Variants in SHANK1 observed in about 807,000 individuals in gnomAD.
SHANK1 encodes the protein SH3 and multiple ankyrin repeat domains 1, also known as SH3 and multiple ankyrin repeat domains protein 1.
In SHANK1, 35 loss-of-function variants were observed where a neutral mutation model predicts 165.6. That is an observed-to-expected ratio of 0.21 (90% CI 0.16 to 0.28). SHANK1 has a LOEUF of 0.28. Ranked by LOEUF, SHANK1 falls within the 10% of genes least tolerant of loss-of-function variation. SHANK1 has a pLI of 1.00. For missense variants in SHANK1, 2,681 were observed against 3,036.4 expected, an observed-to-expected ratio of 0.88 and a Z score of 2.75; for synonymous variants, 1,428 against 1,384.8, an observed-to-expected ratio of 1.03 and a Z score of -0.69.
At chr19:50,709,376 A>C (rs567392182) in intron 8 of SHANK1, among the ~76,000 whole-genome samples, 40 of 152,050 alleles carry the variant, frequency 2.6e-4, no homozygotes, top group African/African-American at 6.7e-4. Flanking sequence ...CTCCTGACCT[A>C]GTGATCCGCC....
At position 50,684,369 on chromosome 19, in the gene SHANK1, G is replaced by A. The variant is rs182154640; in HGVS notation, c.2577+1868C>T. On this transcript the variant is annotated intron_variant, in intron 21 of 23. Coordinates refer to ENST00000293441, the MANE Select transcript of SHANK1 (RefSeq NM_016148.5). ...GCCTCCTGAGTAGCTGGGATTACAG[G>A]CACATGCCACCACATCCGGCCAATT... is the stretch of plus-strand genomic sequence containing the variant. Among the ~76,000 whole-genome samples, 1,470 of 152,262 alleles carry A rather than the reference G, an allele frequency of 9.7e-3. 28 individuals are homozygous for A. The highest frequency in any genetic ancestry group is 0.034 in the African/African-American group (1,400 of 41,534).
rs762763237 is a variant in SHANK1, at chr19:50,662,215, G to A, written c.6236C>T (p.Thr2079Ile). ...LSGASRSLSP[T>I]RLLSLPPDKP... The stretch of plus-strand genomic sequence containing the variant: ...GTCCGGGGGCAGCGAGAGCAGGCGG[G>A]TCGGTGAGAGGGAGCGCGAGGCCCC... Residue 2079 changes from threonine to isoleucine, a missense_variant, in exon 24 of 24, where the codon ACC (threonine) becomes ATC (isoleucine). By Grantham distance (89) the Thr-to-Ile change is moderately conservative. This residue lies in a region of SHANK1 where 1,713 missense variants were observed against 1,630.2 expected (regional missense o/e 1.05). Coordinates refer to ENST00000293441, the MANE Select transcript of SHANK1 (RefSeq NM_016148.5). The surrounding 1 kb of genome is among the most constrained non-coding windows in gnomAD (Gnocchi z 7.7). 1.9e-6 allele frequency: 3 copies of A among 1,609,982 alleles called. No individual in the cohort carries two copies. The highest frequency in any genetic ancestry group is 2.2e-5 in the South Asian group (2 of 90,774).
chr19:50,695,268 G>T (rs2035615465), intron 15 of SHANK1, among the ~76,000 whole-genome samples: 1 of 146,100 alleles, frequency 6.8e-6, no homozygotes, highest in South Asian at 2.1e-4. Context: ...CGGGGGCGCG[G>T]GGCGCGGGGT....
Position 50,702,436 on chromosome 19 carries a change from C to T in SHANK1, c.1747+31G>A. ...TCCCTGATCGCCCCCACAGCCCAGC[C>T]CAGCCCAGGCCCTGCTTCCACCCTG... On this transcript the variant is annotated intron_variant, in intron 12 of 23. Coordinates refer to ENST00000293441, the MANE Select transcript of SHANK1 (RefSeq NM_016148.5). This position sits in a 1 kb window ranked among gnomAD's most constrained non-coding sequence, Gnocchi z 5.3. 1 of 1,583,320 alleles carries T rather than the reference C, an allele frequency of 6.3e-7. No individual in the cohort carries two copies. The highest frequency in any genetic ancestry group is 8.6e-7 in the Non-Finnish European group (1 of 1,163,156).
rs755802745 is a variant in SHANK1 at position 50,714,221 on chromosome 19, T to C, written c.601A>G (p.Lys201Glu). Residue 201 changes from lysine (K) to glutamate (E), a missense_variant, in exon 5 of 24, where the codon AAG becomes GAG. Around this residue, in one of 10 missense-constraint regions of SHANK1, gnomAD observed 189 missense variants for 440.9 expected, o/e 0.43. Coordinates refer to ENST00000293441, the MANE Select transcript of SHANK1 (RefSeq NM_016148.5). ...TCATGGTAATTGGGGTCCAGCCCCT[T>C]GTCCAGCAGCCGCGCCACCTTGTCA... is the stretch of plus-strand genomic sequence containing the variant. ...TSDKVARLLD[K>E]GLDPNYHDSD... 6 of 1,614,124 alleles carry C rather than the reference T, an allele frequency of 3.7e-6. No individual in the cohort carries two copies. The highest frequency in any genetic ancestry group is 5.1e-6 in the Non-Finnish European group (6 of 1,180,012).
chr19:50,689,018 C>T, intron 16 of SHANK1, 50 bp from the exon 17 acceptor site: 1 of 1,380,278 alleles, frequency 7.2e-7, no homozygotes, highest in Non-Finnish European at 1.0e-6. Flanking sequence ...GGTGGAGAGG[C>T]CGAGCAGGGG....
intron 15 of SHANK1, among the ~76,000 whole-genome samples, chr19:50,695,394 C>CGGAGGGGGCCGGGCAGGGG (rs1351788985): frequency 9.4e-6 from 1 of 106,676 alleles, no homozygotes; most frequent in East Asian, 3.0e-4. Context: ...CGCCGGGCGG[C>CGGAGGGGGCCGGGCAGGGG]GGAGGGGGCC....
In SHANK1 at chr19:50,687,829, G is replaced by A; in HGVS notation, c.2308+94C>T. 2.6e-6 allele frequency: 4 copies of A among 1,523,012 alleles called. 1 individual carries two copies. In the South Asian group the frequency reaches 3.6e-5, roughly 14 times the overall value. 94.3% of individuals were successfully genotyped at this position (1,523,012 alleles called of 1,614,324 possible). Reference sequence around the variant, plus strand: ...GTCACGGAGAAGCAGTGCTAGGGAAGGGAAGGCCTTGGGCAGCAGCAACCA... The same window carrying A: ...GTCACGGAGAAGCAGTGCTAGGGAAAGGAAGGCCTTGGGCAGCAGCAACCA... On this transcript the variant is annotated intron_variant, in intron 18 of 23. Coordinates refer to ENST00000293441, the MANE Select transcript of SHANK1 (RefSeq NM_016148.5).
rs977748195 is a variant in SHANK1 at position 50,665,952 on chromosome 19, G to A, written c.5768+240C>T. Among the ~76,000 whole-genome samples the A allele has an allele frequency of 3.1e-4, 46 of 147,842 alleles. 1 individual carries two copies. The highest frequency in any genetic ancestry group is 1.0e-3 in the African/African-American group (41 of 39,534). On this transcript the variant is annotated intron_variant, in intron 23 of 23. Coordinates refer to ENST00000293441, the MANE Select transcript of SHANK1 (RefSeq NM_016148.5). ...CTTGAACCCGGGAGGCAGAGGTTGT[G>A]GTGAGCCGAGATCACGCCATTGCAC...
At position 50,690,831 on chromosome 19, in the gene SHANK1, ATACT is replaced by A. The variant is rs769769890; in HGVS notation, c.1965-1556_1965-1553del. ...ACATACATCCCAGCAAATGCCAATA[ATACT>A]TACTGTGCTCCACTGTATTTAGGTA... On this transcript the variant is annotated intron_variant, in intron 15 of 23. Transcript: ENST00000293441. The surrounding 1 kb of genome is among the most constrained non-coding windows in gnomAD (Gnocchi z 4.9). 2.6e-5 allele frequency among the ~76,000 whole-genome samples: 4 copies of A among 152,088 alleles called. No individual in the cohort carries two copies. Among genetic ancestry groups the A allele is most frequent in the Non-Finnish European group, 4.4e-5 (3 of 68,026 alleles).
intron 12 of SHANK1, among the ~76,000 whole-genome samples, chr19:50,698,535 C>T (rs1026953365): frequency 6.6e-6 from 1 of 152,064 alleles, no homozygotes; most frequent in East Asian, 1.9e-4. Context: ...CAGGCCCCAC[C>T]GCTTCCCCAT....
chr19:50,682,684 T>C (rs73932557), intron 21 of SHANK1, among the ~76,000 whole-genome samples: 304 of 152,150 alleles, frequency 2.0e-3, no homozygotes, highest in African/African-American at 7.0e-3. Flanking sequence ...GGGGGAGGCA[T>C]GAAGAAATGG....
chr19:50,662,148 G>C lies in SHANK1; in HGVS notation c.6303C>G (p.Phe2101Leu). The change falls in exon 24 of 24, where the codon TTC becomes TTG. Residue 2101 changes from phenylalanine to leucine, a missense_variant. This residue lies in a region of SHANK1 where 49 missense variants were observed against 94.2 expected (regional missense o/e 0.52). Coordinates refer to ENST00000293441, the MANE Select transcript of SHANK1 (RefSeq NM_016148.5). This position sits in a 1 kb window ranked among gnomAD's most constrained non-coding sequence, Gnocchi z 7.7. The stretch of plus-strand genomic sequence containing the variant: ...GCCACTCCAGCCAATCAGCCACGTC[G>C]AACTTGGTCCAGAACCCCAGAGGTT... Reference protein sequence around the residue: ...GAKPLGFWTKFDVADWLEWLG... With the variant: ...GAKPLGFWTKLDVADWLEWLG... 6.2e-7 allele frequency: 1 copy of C among 1,613,540 alleles called. No homozygotes were observed. The highest frequency in any genetic ancestry group is 8.5e-7 in the Non-Finnish European group (1 of 1,179,550).
intron 21 of SHANK1, among the ~76,000 whole-genome samples, chr19:50,683,177 A>T (rs1389252590): frequency 6.6e-6 from 1 of 152,106 alleles, no homozygotes; most frequent in Non-Finnish European, 1.5e-5. Context: ...GTGGTTCTCA[A>T]TGAGAGGTAG....
At chr19:50,678,225 G>A (rs1986042117) in intron 21 of SHANK1, among the ~76,000 whole-genome samples, 1 of 152,174 alleles carries the variant, frequency 6.6e-6, no homozygotes, top group Non-Finnish European at 1.5e-5. Flanking sequence ...AGAGGTCAGA[G>A]TGGCTCAAAA....
Position 50,667,010 on chromosome 19 carries a change from C to T in SHANK1, c.4950G>A (p.Pro1650=), listed in dbSNP as rs755826590. The T allele has an allele frequency of 8.3e-6, 13 of 1,557,212 alleles. No individual in the cohort carries two copies. Among genetic ancestry groups the T allele is most frequent in the African/African-American group, 1.3e-5 (1 of 74,240 alleles). ...CGGGAGCCGGTGCTGCTGGGGCAGG[C>T]GGGCCTGGTGGATGGGGGTCCCCAG... is the stretch of plus-strand genomic sequence containing the variant. ...AAPGDPHPPG[P]PAPAAPAPAA... The change falls in exon 23 of 24, where the codon CCG becomes CCA. Residue 1650 remains proline, a synonymous_variant. Transcript: ENST00000293441. This position sits in a 1 kb window ranked among gnomAD's most constrained non-coding sequence, Gnocchi z 5.7.
intron 21 of SHANK1, among the ~76,000 whole-genome samples, chr19:50,683,861 C>A (rs1289559817): frequency 1.3e-5 from 2 of 152,184 alleles, no homozygotes; most frequent in African/African-American, 4.8e-5. Context: ...GACACAGAAT[C>A]TGGGAATCAT....
rs768977296 is a variant in SHANK1, at chr19:50,667,170, G to A, written c.4790C>T (p.Ala1597Val). The A allele has an allele frequency of 4.5e-6, 7 of 1,561,890 alleles. No homozygotes were observed. Among genetic ancestry groups the A allele is most frequent in the Non-Finnish European group, 6.0e-6 (7 of 1,160,482 alleles). ...GPPHPLPDTPAPATPLPPVPP... is the reference protein window; with the variant it reads ...GPPHPLPDTPVPATPLPPVPP... ...CACAGGGGGTAACGGGGTGGCAGGG[G>A]CAGGTGTGTCGGGCAGCGGGTGGGG... Residue 1597 changes from alanine (A) to valine (V), a missense_variant, in exon 23 of 24, where the codon GCC becomes GTC. Transcript: ENST00000293441. This position sits in a 1 kb window ranked among gnomAD's most constrained non-coding sequence, Gnocchi z 5.7.
chr19:50,676,768 T>C (rs1196337169), intron 21 of SHANK1, among the ~76,000 whole-genome samples: 1 of 152,136 alleles, frequency 6.6e-6, no homozygotes, highest in East Asian at 1.9e-4. Context: ...GCCAATCTTA[T>C]TTGGCACCTT....
Sources: gnomAD v4.1 joint callset for allele counts (sites outside exome capture counted in the v4.1 genomes callset) on GRCh38, gnomAD v4.1.1 for gene constraint, gnomAD v4.1.1 regional missense constraint, Gnocchi (gnomAD v3.1) non-coding constraint, MANE v1.5 for transcripts, NCBI Gene and HGNC (gene_info 2026-07-23, HGNC 2026-07-21) for gene names.